The following NUP98 variants were observed in gnomAD, a reference collection of about 807,000 sequenced individuals.
NUP98 encodes nucleoporin 98 and 96 precursor.
A neutral mutation model predicts 191.9 loss-of-function variants in NUP98; 26 were observed. The ratio of observed to expected loss-of-function variants is 0.14; its 90% CI spans 0.10 to 0.19. The LOEUF is 0.19. NUP98 is among the 10% of genes least tolerant of loss of function. NUP98 has a pLI of 1.00. For missense variants in NUP98, 1,941 were observed against 2,178.8 expected (o/e 0.89, Z 2.17); for synonymous variants, 808 against 778.4 (o/e 1.04, Z -0.63).
At position 3,679,505 on chromosome 11, in the gene NUP98, A is replaced by C. The variant is rs775087733; in HGVS notation, c.5073+49T>G. 5 of 1,607,312 alleles carry C rather than the reference A, an allele frequency of 3.1e-6. No homozygotes were observed. The Admixed American group carries it at 8.3e-5, about 27-fold the overall frequency. On this transcript the variant is annotated intron_variant, in intron 31 of 32. Transcript: ENST00000324932. Reference sequence around the variant, plus strand: ...GCCTTGTGAGGTATCTGAAGATTTAAGGGCCTGAGAAAAGGAAAATCAGGC... The same window carrying C: ...GCCTTGTGAGGTATCTGAAGATTTACGGGCCTGAGAAAAGGAAAATCAGGC...
rs994037801 is a variant in NUP98 at position 3,700,847 on chromosome 11, A to G, written c.3513-8T>C. 3.1e-6 allele frequency: 5 copies of G among 1,591,754 alleles called. No individual in the cohort carries two copies. The highest frequency in any genetic ancestry group is 4.3e-6 in the Non-Finnish European group (5 of 1,161,522). ...AATGGGGACTCAGTTAGGCTACAAG[A>G]GCAAATGAGGAATAGAATAGAAAAT... On this transcript the variant is annotated splice_polypyrimidine_tract_variant and splice_region_variant and intron_variant, in intron 23 of 32. Coordinates refer to ENST00000324932, the MANE Select transcript of NUP98 (RefSeq NM_016320.5).
intron 8 of NUP98, among the ~76,000 whole-genome samples, chr11:3,767,963 C>A (rs1363670525): frequency 1.3e-5 from 2 of 152,076 alleles, no homozygotes; most frequent in Admixed American, 6.6e-5. Flanking sequence ...TGGCTGTAGT[C>A]AATTTTCCAA....
Position 3,768,589 on chromosome 11 carries a change from T to A in NUP98, c.940A>T (p.Asn314Tyr). 6.3e-7 allele frequency: 1 copy of A among 1,582,250 alleles called. No individual in the cohort carries two copies. The highest frequency in any genetic ancestry group is 1.2e-5 in the South Asian group (1 of 86,836). Residue 314 changes from asparagine (N) to tyrosine (Y), a missense_variant, in exon 8 of 33, where the codon AAC (asparagine) becomes TAC (tyrosine). This residue lies in a region of NUP98 where 181 missense variants were observed against 228.0 expected (regional missense o/e 0.79). Transcript: ENST00000324932. ...NTSTIGQPSTNTMGLFGVTQA... is the reference protein window; with the variant it reads ...NTSTIGQPSTYTMGLFGVTQA... Reference sequence around the variant, plus strand: ...AGGGTCTGTTTCCTTACCATGGTGTTGGTGCTTGGCTGTCCTATGGTGCTG... The same window carrying A: ...AGGGTCTGTTTCCTTACCATGGTGTAGGTGCTTGGCTGTCCTATGGTGCTG...
intron 23 of NUP98, among the ~76,000 whole-genome samples, 134 bp downstream of exon 23, chr11:3,702,309 ACACACTCTCTCTCTCTCTCT>A (rs1474065369): frequency 4.3e-3 from 231 of 53,736 alleles, no homozygotes; most frequent in African/African-American, 0.012. Flanking sequence ...ACACACACAC[ACACACTCTCTCTCTCTCTCT>A]CTCTCTCTCT....
intron 28 of NUP98, among the ~76,000 whole-genome samples, chr11:3,688,284 T>C (rs374968357): frequency 2.0e-4 from 31 of 152,164 alleles, no homozygotes; most frequent in African/African-American, 7.0e-4. Flanking sequence ...TGGGTGCCTG[T>C]AGTCCCAGCT....
chr11:3,729,859 G>A (rs1455149112), intron 14 of NUP98, among the ~76,000 whole-genome samples: 1 of 151,780 alleles, frequency 6.6e-6, no homozygotes, highest in Non-Finnish European at 1.5e-5. Context: ...AAAATCCTAA[G>A]CCCTGGTGAA....
Position 3,742,666 on chromosome 11 carries a change from T to C in NUP98, c.1408+1843A>G, listed in dbSNP as rs182748396. On this transcript the variant is annotated intron_variant, in intron 12 of 32. Coordinates refer to ENST00000324932, the MANE Select transcript of NUP98 (RefSeq NM_016320.5). ...GTGAGCCGAGATTACATCACTGCAC[T>C]CCAGCCTAGGAGATAGAGCAAGACT... Among the ~76,000 whole-genome samples the C allele has an allele frequency of 3.1e-5, 4 of 127,352 alleles. No homozygotes were observed. In the East Asian group the frequency reaches 9.3e-4, roughly 30 times the overall value. 83.5% of individuals were successfully genotyped at this position (127,352 alleles called of 152,430 possible).
At chr11:3,787,520 T>A (rs1279391155) in intron 1 of NUP98, among the ~76,000 whole-genome samples, 1 of 150,940 alleles carries the variant, frequency 6.6e-6, no homozygotes, top group Non-Finnish European at 1.5e-5. Flanking sequence ...AAGGCAGAGG[T>A]TGCAGTGAGC....
rs948030902 is a variant in NUP98 at position 3,797,445 on chromosome 11, A to T, written c.-74T>A. On this transcript the variant is annotated 5_prime_UTR_variant, in exon 1 of 33. Transcript: ENST00000324932. ...GAAGTGTCAGGAGTCCCCTGCTGCC[A>T]CCCGCCGCTCACAGAGCAGCGCGCG... is the stretch of plus-strand genomic sequence containing the variant. 2.4e-6 allele frequency: 1 copy of T among 413,660 alleles called. No homozygotes were observed. 25.6% of individuals were successfully genotyped at this position (413,660 alleles called of 1,614,324 possible).
At chr11:3,678,942 T>C (rs766564403) in intron 31 of NUP98, among the ~76,000 whole-genome samples, 2 of 151,858 alleles carry the variant, frequency 1.3e-5, no homozygotes, top group Non-Finnish European at 2.9e-5. Flanking sequence ...GCCAATGTGG[T>C]GAAACACTAT....
intron 28 of NUP98, 58 bp from the exon 29 acceptor site, chr11:3,686,252 T>C (rs1264240788): frequency 1.4e-6 from 2 of 1,467,392 alleles, no homozygotes; most frequent in Admixed American, 1.7e-5. Flanking sequence ...TGGACTGATA[T>C]GTCAACTGTT....
intron 27 of NUP98, 82 bp from the exon 28 acceptor site, chr11:3,691,571 T>TGA: frequency 2.2e-6 from 3 of 1,354,614 alleles, no homozygotes; most frequent in Non-Finnish European, 3.1e-6. Context: ...TTTTTTTTTT[T>TGA]GAGAGGCAGT....
intron 5 of NUP98, 125 bp downstream of exon 5, chr11:3,775,757 T>C: frequency 1.2e-6 from 1 of 807,160 alleles, no homozygotes; most frequent in Non-Finnish European, 2.0e-6. Flanking sequence ...ATAGATTTTG[T>C]TTTTAACACA....
At chr11:3,767,864 T>G (rs2081389749) in intron 8 of NUP98, among the ~76,000 whole-genome samples, 3 of 151,886 alleles carry the variant, frequency 2.0e-5, no homozygotes, top group African/African-American at 7.3e-5. Flanking sequence ...CCAAGGGAAC[T>G]AGGTGAACGT....
At position 3,753,551 on chromosome 11, in the gene NUP98, T is replaced by TA. The variant is rs368121441; in HGVS notation, c.1175-144dup. On this transcript the variant is annotated intron_variant, in intron 10 of 32. Coordinates refer to ENST00000324932, the MANE Select transcript of NUP98 (RefSeq NM_016320.5). ...AGGACTCCTAACTTGTAGGATAACT[T>TA]AAAAAAAAAATTTCACATATGCAAA... is the stretch of plus-strand genomic sequence containing the variant. The TA allele has an allele frequency of 5.3e-3, 2,987 of 562,066 alleles. 11 individuals are homozygous for TA. The highest frequency in any genetic ancestry group is 0.018 in the African/African-American group (940 of 51,712). The allele number at this position is 562,066 out of a possible 1,614,324, so 34.8% of individuals were successfully genotyped here.
chr11:3,782,597 CAGA>C (rs1242932352), intron 1 of NUP98, among the ~76,000 whole-genome samples: 3 of 120,494 alleles, frequency 2.5e-5, no homozygotes, highest in African/African-American at 9.5e-5. Flanking sequence ...TTTTTTGAGA[CAGA>C]AGGACGTGCA....
chr11:3,774,424 C>CA (rs1209934451), intron 5 of NUP98, among the ~76,000 whole-genome samples: 1 of 149,802 alleles, frequency 6.7e-6, no homozygotes, highest in Non-Finnish European at 1.5e-5. Flanking sequence ...AAAACAGCAA[C>CA]AACAAAAAAA....
chr11:3,693,431 G>T, intron 26 of NUP98, 56 bp from the exon 27 acceptor site: 1 of 1,534,472 alleles, frequency 6.5e-7, no homozygotes, highest in Non-Finnish European at 9.0e-7. Context: ...TTACCTGTGT[G>T]TGCAATAACA....
chr11:3,740,640 G>A (rs1227486390), intron 12 of NUP98, among the ~76,000 whole-genome samples: 4 of 151,928 alleles, frequency 2.6e-5, no homozygotes, highest in Admixed American at 1.3e-4. Flanking sequence ...AAGGAGAAGG[G>A]CAACTACTGT....
Sources: allele counts gnomAD v4.1 joint callset (sites outside exome capture counted in the v4.1 genomes callset), GRCh38; gene constraint gnomAD v4.1.1; regional missense constraint gnomAD v4.1.1; transcripts MANE v1.5; gene names NCBI Gene and HGNC (gene_info 2026-07-23, HGNC 2026-07-21).